FKBP6: variants seen among roughly 807,000 people sequenced by gnomAD.
FKBP6 encodes the protein inactive peptidyl-prolyl cis-trans isomerase FKBP6.
Under a neutral mutation model 41.7 loss-of-function variants are expected in FKBP6, and 29 were observed. The observed-to-expected ratio is 0.70, with a 90% CI of 0.52 to 0.95. FKBP6 has a LOEUF of 0.95. Ranked by LOEUF, FKBP6 falls within the 40% of genes least tolerant of loss-of-function variation. The pLI, the probability that FKBP6 is intolerant of heterozygous loss-of-function variation, is 0.00. For synonymous variants in FKBP6, 130 were observed against 165.1 expected (o/e 0.79, Z 1.63); for missense variants, 338 against 408.7 (o/e 0.83, Z 1.49).
At chr7:73,353,658 C>T (rs1334838106) in intron 8 of FKBP6, among the ~76,000 whole-genome samples, 1 of 152,162 alleles carries the variant, frequency 6.6e-6, no homozygotes, top group Middle Eastern at 3.2e-3. Flanking sequence ...TCCGTTGGTG[C>T]CATTTTTCCA....
intron 3 of FKBP6, chr7:73,329,663 A>G (rs1554547233): frequency 3.3e-6 from 2 of 606,122 alleles, no homozygotes; most frequent in Non-Finnish European, 5.9e-6. Context: ...ACTCTGACTT[A>G]ACTAACCACT....
chr7:73,342,010 T>C (rs2115904614), intron 7 of FKBP6, among the ~76,000 whole-genome samples: 1 of 152,074 alleles, frequency 6.6e-6, no homozygotes, highest in East Asian at 1.9e-4. Context: ...CTTCCCTGCG[T>C]GCTCCACCAA....
chr7:73,354,958 C>T (rs896280510), intron 8 of FKBP6, among the ~76,000 whole-genome samples: 5 of 152,214 alleles, frequency 3.3e-5, no homozygotes, highest in Non-Finnish European at 5.9e-5. Context: ...CTTTGTCCTC[C>T]GATTTCCGAC....
At chr7:73,344,854 G>T (rs1805292712) in intron 8 of FKBP6, among the ~76,000 whole-genome samples, 1 of 152,164 alleles carries the variant, frequency 6.6e-6, no homozygotes, top group Non-Finnish European at 1.5e-5. Context: ...CAAAGTGCTG[G>T]GATTACAGGC....
intron 7 of FKBP6, 91 bp downstream of exon 7, chr7:73,341,473 C>A: frequency 3.4e-6 from 3 of 878,600 alleles, no homozygotes; most frequent in Non-Finnish European, 3.8e-6. Context: ...GACAGTCTGG[C>A]GGTGTTGCCC....
At chr7:73,351,218 C>T (rs1356238504) in intron 8 of FKBP6, among the ~76,000 whole-genome samples, 11 of 152,114 alleles carry the variant, frequency 7.2e-5, no homozygotes, top group African/African-American at 1.2e-4. Context: ...TTGGTAGAGA[C>T]GGGGTTTCAC....
chr7:73,330,432 T>C (rs1804802711), intron 4 of FKBP6, 80 bp downstream of exon 4: 15 of 1,131,368 alleles, frequency 1.3e-5, no homozygotes, highest in Middle Eastern at 2.0e-4. Flanking sequence ...CTAGATGGCC[T>C]GCCCTGAGGC....
At position 73,351,401 on chromosome 7, in the gene FKBP6, C is replaced by T. The variant is rs143177718; in HGVS notation, c.*3-6780C>T. Among the ~76,000 whole-genome samples, 7 of 152,120 alleles carry T rather than the reference C, an allele frequency of 4.6e-5. No homozygotes were observed. In the East Asian group the frequency reaches 5.8e-4, roughly 13 times the overall value. On this transcript the variant is annotated intron_variant, in intron 8 of 8. Coordinates refer to ENST00000252037, the MANE Select transcript of FKBP6 (RefSeq NM_003602.5). ...TTTTTTTTTCCCCTCCTCTAAATGG[C>T]GTTGCATCTTCTGCCGGGCATCTGG... is the stretch of plus-strand genomic sequence containing the variant.
intron 5 of FKBP6, among the ~76,000 whole-genome samples, chr7:73,335,915 G>A (rs554614966): frequency 1.3e-5 from 2 of 152,162 alleles, no homozygotes; most frequent in Admixed American, 6.6e-5. Flanking sequence ...GGTTTTGCAC[G>A]TCTTTTCCTA....
intron 4 of FKBP6, among the ~76,000 whole-genome samples, chr7:73,330,559 C>G (rs782746151): frequency 6.6e-6 from 1 of 152,140 alleles, no homozygotes; most frequent in Non-Finnish European, 1.5e-5. Flanking sequence ...ATGTGCTGGG[C>G]AAGGTAAGGC....
Position 73,342,788 on chromosome 7 carries a change from T to G in FKBP6, c.894-19T>G. The G allele has an allele frequency of 6.4e-7, 1 of 1,561,124 alleles. No individual in the cohort carries two copies. ...CCAAACACAGACCTCCTCTAACAAG[T>G]GTGTATTTCCCTCTCCAGCTGTTAC... On this transcript the variant is annotated intron_variant, in intron 7 of 8. Coordinates refer to ENST00000252037, the MANE Select transcript of FKBP6 (RefSeq NM_003602.5).
At chr7:73,356,057 C>T (rs1445471123) in intron 8 of FKBP6, among the ~76,000 whole-genome samples, 1 of 106,436 alleles carries the variant, frequency 9.4e-6, no homozygotes, top group Non-Finnish European at 1.7e-5. Context: ...CAGAGCAAGA[C>T]TCTGTCTCAA....
chr7:73,345,110 T>C (rs1805299128), intron 8 of FKBP6, among the ~76,000 whole-genome samples: 3 of 149,224 alleles, frequency 2.0e-5, no homozygotes, highest in Non-Finnish European at 2.9e-5. Flanking sequence ...AAGTGTGAAA[T>C]AGCCGAAGCA....
intron 4 of FKBP6, among the ~76,000 whole-genome samples, chr7:73,330,776 T>C (rs1049751660): frequency 2.7e-4 from 41 of 152,194 alleles, no homozygotes; most frequent in Non-Finnish European, 1.0e-4. Flanking sequence ...GGGTTACCCA[T>C]GACATCGGGT....
chr7:73,357,766 C>G (rs1554552169), intron 8 of FKBP6, among the ~76,000 whole-genome samples: 2 of 151,868 alleles, frequency 1.3e-5, no homozygotes, highest in African/African-American at 4.8e-5. Flanking sequence ...AGGCAGATCA[C>G]TTGAGGTCAG....
chr7:73,343,154 A>ATTTG (rs1389946986), intron 8 of FKBP6, among the ~76,000 whole-genome samples: 4 of 151,034 alleles, frequency 2.6e-5, no homozygotes, highest in Middle Eastern at 3.4e-3. Flanking sequence ...TTATTTATTT[A>ATTTG]TTTGTTTGTT....
chr7:73,354,414 G>T (rs1246434277), intron 8 of FKBP6, among the ~76,000 whole-genome samples: 1 of 152,218 alleles, frequency 6.6e-6, no homozygotes, highest in African/African-American at 2.4e-5. Context: ...GGAGAAGCAG[G>T]TCAGGGAGTC....
intron 8 of FKBP6, among the ~76,000 whole-genome samples, chr7:73,355,266 G>A (rs1303206938): frequency 6.6e-6 from 1 of 152,162 alleles, no homozygotes; most frequent in Non-Finnish European, 1.5e-5. Context: ...TGTCTTTGTC[G>A]ATCTCCGGAC....
intron 5 of FKBP6, among the ~76,000 whole-genome samples, chr7:73,335,077 C>T (rs555842030): frequency 6.6e-6 from 1 of 151,390 alleles, no homozygotes; most frequent in East Asian, 1.9e-4. Flanking sequence ...CCAGGCTTTG[C>T]CTAGCTGCAA....
Sources: allele counts gnomAD v4.1 joint callset (sites outside exome capture counted in the v4.1 genomes callset), GRCh38; gene constraint gnomAD v4.1.1; transcripts MANE v1.5; gene names NCBI Gene and HGNC (gene_info 2026-07-23, HGNC 2026-07-21).